BDP1: variants seen among roughly 807,000 people sequenced by gnomAD.
BDP1 encodes the protein BDP1 general transcription factor IIIB subunit.
BDP1 carries 169 observed loss-of-function variants against 266.6 expected under a neutral mutation model. The observed-to-expected ratio is 0.63, with a 90% CI of 0.56 to 0.72. BDP1 has a LOEUF of 0.72. Among genes scored for constraint, BDP1 ranks in the 30% least tolerant of loss-of-function variants. The pLI, the probability that BDP1 is intolerant of heterozygous loss-of-function variation, is 0.00. For synonymous variants in BDP1, 1,090 were observed against 1,022.4 expected, an observed-to-expected ratio of 1.07 and a Z score of -1.26; for missense variants, 3,015 against 3,053.8, an observed-to-expected ratio of 0.99 and a Z score of 0.30.
chr5:71,506,128 A>T (rs950659420), intron 16 of BDP1, among the ~76,000 whole-genome samples: 38 of 152,146 alleles, frequency 2.5e-4, no homozygotes, highest in African/African-American at 8.7e-4. Context: ...CTTTTTATTT[A>T]TATTTTTTCA....
At chr5:71,531,821 C>G (rs531010610) in intron 25 of BDP1, among the ~76,000 whole-genome samples, 1 of 152,128 alleles carries the variant, frequency 6.6e-6, no homozygotes, top group African/African-American at 2.4e-5. Flanking sequence ...ATAAATACTT[C>G]TAAGGGCTTT....
chr5:71,506,804 CA>C (rs1764606738), intron 16 of BDP1, among the ~76,000 whole-genome samples: 6 of 137,842 alleles, frequency 4.4e-5, no homozygotes, highest in Middle Eastern at 3.6e-3. Flanking sequence ...CACACACACA[CA>C]CACACACACA....
At position 71,510,820 on chromosome 5, in the gene BDP1, A is replaced by T. The variant is rs370501664; in HGVS notation, c.3728A>T (p.Glu1243Val). 86 of 1,613,140 alleles carry T rather than the reference A, an allele frequency of 5.3e-5. No individual in the cohort carries two copies. The African/African-American group carries it at 1.1e-3, about 20-fold the overall frequency. Reference protein sequence around the residue: ...EISQREKVLAEFSAIREKEID... With the variant: ...EISQREKVLAVFSAIREKEID... The stretch of plus-strand genomic sequence containing the variant: ...TCCCAAAGGGAAAAGGTGCTAGCAG[A>T]GTTCAGTGCTATAAGGGAAAAGGAG... The change falls in exon 17 of 39, where the codon GAG becomes GTG. Residue 1243 changes from glutamate to valine, a missense_variant. Physicochemically the swap from Glu to Val is moderately radical, Grantham distance 121 (BLOSUM62 -2). This residue lies in a region of BDP1 where 2,383 missense variants were observed against 2,404.9 expected (regional missense o/e 0.99). Transcript: ENST00000358731.
chr5:71,556,617 T>C (rs1009803475), intron 35 of BDP1, among the ~76,000 whole-genome samples: 2 of 152,222 alleles, frequency 1.3e-5, no homozygotes, highest in African/African-American at 4.8e-5. Flanking sequence ...AGTAGTCTTT[T>C]GATGTGCTGC....
intron 30 of BDP1, 145 bp downstream of exon 30, chr5:71,542,410 A>C: frequency 2.6e-6 from 2 of 756,700 alleles, no homozygotes; most frequent in East Asian, 5.7e-5. Context: ...CTATAAAATA[A>C]ATACCCATAA....
In BDP1 at chr5:71,555,681, C is replaced by T. The variant is rs796468385; in HGVS notation, c.7201-1205C>T. Among the ~76,000 whole-genome samples, 73 of 152,098 alleles carry T rather than the reference C, an allele frequency of 4.8e-4. 1 individual carries two copies. Among genetic ancestry groups the T allele is most frequent in the African/African-American group, 1.7e-3 (70 of 41,498 alleles). On this transcript the variant is annotated intron_variant, in intron 35 of 38. Transcript: ENST00000358731. ...CTCGAACTCCGGACCTCAGATGATC[C>T]GCCTGCCTCGGCCTTGCAAAGTGAT...
Position 71,512,074 on chromosome 5 carries a change from T to A in BDP1, c.4060-167T>A, listed in dbSNP as rs192640025. Among the ~76,000 whole-genome samples, 367 of 152,238 alleles carry A rather than the reference T, an allele frequency of 2.4e-3. 2 individuals carry two copies. The highest frequency in any genetic ancestry group is 8.5e-3 in the African/African-American group (353 of 41,566). Reference sequence around the variant, plus strand: ...TAATAATATGCAACATAAAAGGGTTTCCTGAATTCCAAGTTTTAACATTTG... The same window carrying A: ...TAATAATATGCAACATAAAAGGGTTACCTGAATTCCAAGTTTTAACATTTG... On this transcript the variant is annotated intron_variant, in intron 17 of 38. Coordinates refer to ENST00000358731, the MANE Select transcript of BDP1 (RefSeq NM_018429.3).
intron 13 of BDP1, 67 bp downstream of exon 13, chr5:71,497,493 AGTT>A: frequency 7.8e-7 from 1 of 1,284,252 alleles, no homozygotes; most frequent in Non-Finnish European, 1.1e-6. Flanking sequence ...TGGGAATAAA[AGTT>A]GTTGACTTGA....
chr5:71,564,496 TTTA>T (rs1450217423), intron 38 of BDP1, among the ~76,000 whole-genome samples: 2 of 152,096 alleles, frequency 1.3e-5, no homozygotes, highest in African/African-American at 2.4e-5. Flanking sequence ...TGCTTCCTAT[TTTA>T]TTATTATAAC....
At chr5:71,563,023 G>A (rs1743788383) in intron 38 of BDP1, 3 of 452,812 alleles carry the variant, frequency 6.6e-6, no homozygotes, top group Admixed American at 4.1e-5. Context: ...CTTTGGAAGG[G>A]GTACTTTTGT....
chr5:71,464,618 T>C (rs1761781423), intron 4 of BDP1, among the ~76,000 whole-genome samples: 1 of 151,688 alleles, frequency 6.6e-6, no homozygotes, highest in Non-Finnish European at 1.5e-5. Flanking sequence ...CATAGCTCAC[T>C]GCAGCCTTGA....
intron 25 of BDP1, among the ~76,000 whole-genome samples, chr5:71,525,426 T>C (rs1765761726): frequency 7.6e-6 from 1 of 132,220 alleles, no homozygotes; most frequent in Non-Finnish European, 1.6e-5. Flanking sequence ...ACGGGGCGGC[T>C]GGCCGGGCGG....
intron 35 of BDP1, among the ~76,000 whole-genome samples, chr5:71,553,961 G>C (rs1037687374): frequency 6.6e-6 from 1 of 152,092 alleles, no homozygotes; most frequent in East Asian, 1.9e-4. Context: ...AGGGAAGTCC[G>C]GCCAGACCAT....
chr5:71,544,212 T>C, intron 30 of BDP1, 145 bp from the exon 31 acceptor site: 1 of 609,386 alleles, frequency 1.6e-6, no homozygotes, highest in Non-Finnish European at 2.7e-6. Context: ...CTTTCTGCCA[T>C]GTGTATAAGC....
chr5:71,489,629 T>A lies in BDP1; in HGVS notation c.1439T>A (p.Leu480His), dbSNP rs373542477. 5.6e-6 allele frequency: 9 copies of A among 1,613,950 alleles called. No individual in the cohort carries two copies. In the African/African-American group the frequency reaches 1.2e-4, roughly 22 times the overall value. The change falls in exon 10 of 39, where the codon CTT becomes CAT. Residue 480 changes from leucine (L) to histidine (H), a missense_variant. This residue lies in a region of BDP1 where 2,383 missense variants were observed against 2,404.9 expected (regional missense o/e 0.99). Coordinates refer to ENST00000358731, the MANE Select transcript of BDP1 (RefSeq NM_018429.3). Reference sequence around the variant, plus strand: ...GCTAATGAACTGGGAGTAAACAATCTTTTAGAAAATGCCACTGTTCAGGCG... The same window carrying A: ...GCTAATGAACTGGGAGTAAACAATCATTTAGAAAATGCCACTGTTCAGGCG... ...DGANELGVNN[L>H]LENATVQAGP...
At chr5:71,463,498 G>T (rs1761700191) in intron 3 of BDP1, among the ~76,000 whole-genome samples, 1 of 152,108 alleles carries the variant, frequency 6.6e-6, no homozygotes, top group African/African-American at 2.4e-5. Flanking sequence ...TTGGGATTGG[G>T]AGCCTCCTTT....
rs553019351 is a variant in BDP1 at position 71,508,274 on chromosome 5, T to C, written c.2373-1191T>C. On this transcript the variant is annotated intron_variant, in intron 16 of 38. Transcript: ENST00000358731. ...CCACCATGCCCAGCCTAGCATACTT[T>C]TAAGTAAATCTTTTGCTTATTTGTT... is the stretch of plus-strand genomic sequence containing the variant. Among the ~76,000 whole-genome samples, 8 of 152,220 alleles carry C rather than the reference T, an allele frequency of 5.3e-5. No individual in the cohort carries two copies. The South Asian group carries it at 1.7e-3, about 32-fold the overall frequency.
chr5:71,464,717 T>G (rs1426023446), intron 4 of BDP1, among the ~76,000 whole-genome samples: 4 of 130,198 alleles, frequency 3.1e-5, no homozygotes, highest in African/African-American at 8.6e-5. Context: ...ATTTTTTAGT[T>G]TTTTTTTTTT....
chr5:71,458,467 T>C (rs1761332733), intron 1 of BDP1, 112 bp from the exon 2 acceptor site: 4 of 770,910 alleles, frequency 5.2e-6, no homozygotes, highest in Admixed American at 5.4e-5. Flanking sequence ...TACTAATTTT[T>C]TTTTTTTAAT....
Sources: gnomAD v4.1 joint callset for allele counts (sites outside exome capture counted in the v4.1 genomes callset) on GRCh38, gnomAD v4.1.1 for gene constraint, gnomAD v4.1.1 regional missense constraint, MANE v1.5 for transcripts, NCBI Gene and HGNC (gene_info 2026-07-23, HGNC 2026-07-21) for gene names.